The following C12orf42 variants were observed in gnomAD, a reference collection of about 807,000 sequenced individuals.
C12orf42 encodes uncharacterized protein C12orf42.
C12orf42 carries 25 observed loss-of-function variants against 21.6 expected under a neutral mutation model. The ratio of observed to expected loss-of-function variants is 1.16; its 90% confidence interval spans 0.84 to 1.62. The LOEUF (loss-of-function observed/expected upper bound fraction) is 1.62, where lower values mean the gene tolerates loss of function less well. Among genes scored for constraint, C12orf42 ranks in the 40% most tolerant of loss-of-function variants. The pLI, the probability that C12orf42 is intolerant of heterozygous loss-of-function variation, is 0.00. For missense variants in C12orf42, 483 were observed against 459.3 expected (o/e 1.05, Z -0.47); for synonymous variants, 174 against 175.0 (o/e 0.99, Z 0.05).
At chr12:103,235,278 C>T (rs992073684), downstream of C12orf42, among the ~76,000 whole-genome samples, 1 of 152,080 alleles carries the variant, frequency 6.6e-6, no homozygotes, top group East Asian at 1.9e-4. Flanking sequence ...TCCTTTTTAG[C>T]TAGATTTGTC....
the C12orf42 span, among the ~76,000 whole-genome samples, chr12:103,202,773 T>C: frequency 6.6e-6 from 1 of 152,110 alleles, no homozygotes; most frequent in Non-Finnish European, 1.5e-5. Flanking sequence ...TCACTGGTAA[T>C]ATGGGACAAA....
chr12:103,164,389 C>T, the C12orf42 span: 4 of 455,860 alleles, frequency 8.8e-6, no homozygotes, highest in Admixed American at 4.7e-5. Flanking sequence ...ACTCTTTCTT[C>T]TTCTTGGCAG....
chr12:103,406,542 T>C (rs1478125377), intron 2 of C12orf42, among the ~76,000 whole-genome samples: 1 of 152,222 alleles, frequency 6.6e-6, no homozygotes, highest in Non-Finnish European at 1.5e-5. Context: ...GCTTTGCTGA[T>C]GCTTTTCTCT....
At chr12:103,512,862 C>T in the C12orf42 span, among the ~76,000 whole-genome samples, 3 of 151,932 alleles carry the variant, frequency 2.0e-5, no homozygotes, top group Admixed American at 6.6e-5. Context: ...ATTAGCCAGG[C>T]GTGGTGGTGG....
chr12:103,418,242 T>C (rs1211892819), intron 2 of C12orf42, among the ~76,000 whole-genome samples: 1 of 152,162 alleles, frequency 6.6e-6, no homozygotes, highest in African/African-American at 2.4e-5. Flanking sequence ...AATTATCAAT[T>C]CGTGAACACA....
At chr12:103,358,309 T>C (rs950157701) in intron 4 of C12orf42, among the ~76,000 whole-genome samples, 1 of 152,134 alleles carries the variant, frequency 6.6e-6, no homozygotes, top group African/African-American at 2.4e-5. Flanking sequence ...TGGACATTTT[T>C]GCAATTTTGT....
chr12:103,526,298 G>A, the C12orf42 span, among the ~76,000 whole-genome samples: 10 of 152,238 alleles, frequency 6.6e-5, no homozygotes, highest in South Asian at 8.3e-4. Flanking sequence ...AGCTACTCTG[G>A]TTGTCAGAAA....
At chr12:103,412,932 TC>T (rs2048973105) in intron 2 of C12orf42, among the ~76,000 whole-genome samples, 1 of 152,242 alleles carries the variant, frequency 6.6e-6, no homozygotes. Context: ...GTGGATAGTT[TC>T]TTTTGCTGTG....
At chr12:103,227,550 A>T in the C12orf42 span, among the ~76,000 whole-genome samples, 1 of 152,034 alleles carries the variant, frequency 6.6e-6, no homozygotes, top group Non-Finnish European at 1.5e-5. Flanking sequence ...CTAAGGGTGA[A>T]GGAGAAGCGG....
intron 4 of C12orf42, among the ~76,000 whole-genome samples, chr12:103,295,735 T>C (rs1216738226): frequency 6.6e-6 from 1 of 152,240 alleles, no homozygotes; most frequent in Non-Finnish European, 1.5e-5. Flanking sequence ...TTATTGCTGA[T>C]ATTAGTCATA....
At chr12:103,384,047 A>G (rs1409418356) in intron 3 of C12orf42, among the ~76,000 whole-genome samples, 2 of 152,218 alleles carry the variant, frequency 1.3e-5, no homozygotes, top group African/African-American at 4.8e-5. Flanking sequence ...TCATGACTCC[A>G]GCGTTTTGAA....
At chr12:103,360,301 C>T (rs914981052) in intron 4 of C12orf42, among the ~76,000 whole-genome samples, 5 of 151,826 alleles carry the variant, frequency 3.3e-5, no homozygotes, top group Admixed American at 6.6e-5. Context: ...GGGCTCTGCT[C>T]CTATCCAGAT....
At chr12:103,462,743 G>A (rs560518592) in intron 2 of C12orf42, among the ~76,000 whole-genome samples, 1 of 152,296 alleles carries the variant, frequency 6.6e-6, no homozygotes, top group South Asian at 2.1e-4. Flanking sequence ...ATCAGTTAAA[G>A]CACCGTCAGT....
chr12:103,539,346 A>G, the C12orf42 span, among the ~76,000 whole-genome samples: 1 of 144,238 alleles, frequency 6.9e-6, no homozygotes, highest in Admixed American at 6.9e-5. Context: ...GGCTTGGATT[A>G]ATATTATGCT....
chr12:103,367,331 A>G (rs1487834041), intron 4 of C12orf42, among the ~76,000 whole-genome samples: 1 of 151,868 alleles, frequency 6.6e-6, no homozygotes, highest in Non-Finnish European at 1.5e-5. Context: ...AAGGCTACAA[A>G]TTGGGTTCAG....
chr12:103,306,230 T>C lies in C12orf42; in HGVS notation c.375A>G (p.Glu125=). ...STVSFDEESY[E]EFRSSPAPSS... ...ATGGTGCTGGAGAGGAACGGAATTC[T>C]TCATAGCTTTCTTCATCAAAAGAAA... The change falls in exon 5 of 6, where the codon GAA becomes GAG. Residue 125 remains glutamate (E), a synonymous_variant. Coordinates refer to ENST00000548883, the MANE Select transcript of C12orf42 (RefSeq NM_198521.5). 1 of 1,613,944 alleles carries C rather than the reference T, an allele frequency of 6.2e-7. No individual in the cohort carries two copies. Among genetic ancestry groups the C allele is most frequent in the Non-Finnish European group, 8.5e-7 (1 of 1,179,872 alleles).
chr12:103,284,066 T>C (rs2036292054), intron 4 of C12orf42, among the ~76,000 whole-genome samples: 1 of 152,168 alleles, frequency 6.6e-6, no homozygotes, highest in East Asian at 1.9e-4. Flanking sequence ...TGTCAATAAC[T>C]TGTGATAGAA....
At chr12:103,222,128 C>A in the C12orf42 span, among the ~76,000 whole-genome samples, 4 of 151,892 alleles carry the variant, frequency 2.6e-5, no homozygotes, top group East Asian at 1.9e-4. Context: ...ATGCGCGTCC[C>A]TGTGAAGAGA....
At chr12:103,092,457 T>G in the C12orf42 span, among the ~76,000 whole-genome samples, 8 of 152,332 alleles carry the variant, frequency 5.3e-5, no homozygotes, top group Admixed American at 5.2e-4. Flanking sequence ...CATGAAAATA[T>G]TCACCATGAG....
Sources: gnomAD v4.1 joint callset for allele counts (sites outside exome capture counted in the v4.1 genomes callset) on GRCh38, gnomAD v4.1.1 for gene constraint, MANE v1.5 for transcripts, NCBI Gene and HGNC (gene_info 2026-07-23, HGNC 2026-07-21) for gene names.